Variants in COMMD10 observed in about 807,000 individuals in gnomAD.
COMMD10 encodes COMM domain containing 10, also known as COMM domain-containing protein 10.
COMMD10 carries 33 observed loss-of-function variants against 28.9 expected under a neutral mutation model. That is an observed-to-expected ratio of 1.14 (90% CI 0.87 to 1.53). The LOEUF (loss-of-function observed/expected upper bound fraction) is 1.53. COMMD10 is among the 40% of genes most tolerant of loss of function. The pLI is 0.00. For missense variants in COMMD10, 310 were observed against 233.4 expected, an observed-to-expected ratio of 1.33 and a Z score of -2.14; for synonymous variants, 110 against 81.7, an observed-to-expected ratio of 1.35 and a Z score of -1.87.
At chr5:116,085,834 C>T (rs1185473778) in intron 1 of COMMD10, among the ~76,000 whole-genome samples, 4 of 152,148 alleles carry the variant, frequency 2.6e-5, no homozygotes, top group Admixed American at 2.0e-4. Flanking sequence ...TTTCTTTGTG[C>T]TTGGATTGGG....
chr5:116,125,236 T>C (rs1751584085), intron 4 of COMMD10, among the ~76,000 whole-genome samples: 1 of 152,190 alleles, frequency 6.6e-6, no homozygotes, highest in Non-Finnish European at 1.5e-5. Context: ...GGAGCTCTTG[T>C]AAGGCAGGCC....
chr5:116,122,702 T>C (rs1024343751), intron 4 of COMMD10, among the ~76,000 whole-genome samples: 1 of 152,226 alleles, frequency 6.6e-6, no homozygotes, highest in Non-Finnish European at 1.5e-5. Context: ...TTCACATCCC[T>C]TGTAAGCTGG....
At chr5:116,275,632 G>T (rs993437797) in intron 5 of COMMD10, among the ~76,000 whole-genome samples, 1 of 151,740 alleles carries the variant, frequency 6.6e-6, no homozygotes, top group African/African-American at 2.4e-5. Flanking sequence ...AGTGAAATTA[G>T]TCTCAATATC....
intron 5 of COMMD10, among the ~76,000 whole-genome samples, chr5:116,158,734 A>G (rs1752821676): frequency 6.6e-6 from 1 of 152,060 alleles, no homozygotes; most frequent in South Asian, 2.1e-4. Flanking sequence ...CTGAAAGACT[A>G]ATTCATTCCT....
intron 5 of COMMD10, among the ~76,000 whole-genome samples, chr5:116,186,592 C>T (rs1313249424): frequency 1.3e-5 from 2 of 152,148 alleles, no homozygotes; most frequent in Admixed American, 6.6e-5. Flanking sequence ...TTCATACCTT[C>T]TCTTCACAGC....
intron 5 of COMMD10, among the ~76,000 whole-genome samples, chr5:116,222,542 T>G (rs1749288596): frequency 6.6e-6 from 1 of 152,160 alleles, no homozygotes; most frequent in Non-Finnish European, 1.5e-5. Flanking sequence ...GTTGACACTA[T>G]GTTTTATGAG....
At chr5:116,186,093 T>G (rs1249178860) in intron 5 of COMMD10, among the ~76,000 whole-genome samples, 2 of 152,182 alleles carry the variant, frequency 1.3e-5, no homozygotes, top group Non-Finnish European at 2.9e-5. Context: ...TCTTTCTCCC[T>G]GTAGACTTTT....
intron 5 of COMMD10, among the ~76,000 whole-genome samples, chr5:116,249,729 T>A (rs1041423604): frequency 1.3e-5 from 2 of 151,982 alleles, no homozygotes; most frequent in Admixed American, 1.3e-4. Flanking sequence ...ATTAAAATCT[T>A]AAAAATAGAG....
intron 5 of COMMD10, among the ~76,000 whole-genome samples, chr5:116,158,788 T>G (rs1462252830): frequency 6.6e-6 from 1 of 152,082 alleles, no homozygotes; most frequent in African/African-American, 2.4e-5. Flanking sequence ...GATTTGAGGA[T>G]CCACATCTAA....
chr5:116,235,958 A>G (rs1174558358), intron 5 of COMMD10, among the ~76,000 whole-genome samples: 1 of 152,182 alleles, frequency 6.6e-6, no homozygotes, highest in Non-Finnish European at 1.5e-5. Flanking sequence ...TAGCATACAT[A>G]CATTATTTGT....
At chr5:116,215,213 T>G (rs1325286124) in intron 5 of COMMD10, among the ~76,000 whole-genome samples, 5 of 152,014 alleles carry the variant, frequency 3.3e-5, no homozygotes, top group Admixed American at 2.6e-4. Context: ...GTAAAAAATT[T>G]GGGTGTTATG....
intron 5 of COMMD10, among the ~76,000 whole-genome samples, chr5:116,208,627 A>C (rs1379674615): frequency 6.6e-6 from 1 of 152,204 alleles, no homozygotes; most frequent in Non-Finnish European, 1.5e-5. Context: ...GAAACACATA[A>C]AAGTGATTTC....
intron 1 of COMMD10, among the ~76,000 whole-genome samples, chr5:116,086,244 G>C (rs1037305260): frequency 1.3e-5 from 2 of 152,160 alleles, no homozygotes; most frequent in African/African-American, 2.4e-5. Context: ...CCAGCCTCCT[G>C]ACCCTATTTT....
At chr5:116,126,941 A>G (rs938935535) in intron 4 of COMMD10, among the ~76,000 whole-genome samples, 1 of 152,258 alleles carries the variant, frequency 6.6e-6, no homozygotes. Flanking sequence ...TAATTAAACT[A>G]AAGAGCTTCT....
intron 5 of COMMD10, among the ~76,000 whole-genome samples, chr5:116,160,500 T>G (rs950570716): frequency 1.3e-5 from 2 of 152,168 alleles, no homozygotes; most frequent in African/African-American, 4.8e-5. Context: ...GGAATGCAAC[T>G]GAAGTTGGAT....
intron 5 of COMMD10, among the ~76,000 whole-genome samples, chr5:116,225,353 G>T (rs1163228846): frequency 1.7e-5 from 2 of 116,512 alleles, no homozygotes; most frequent in African/African-American, 3.4e-5. Context: ...TTTTTTTGGG[G>T]ATTTTTTTTT....
At chr5:116,185,115 A>G (rs1748094905) in intron 5 of COMMD10, among the ~76,000 whole-genome samples, 1 of 152,176 alleles carries the variant, frequency 6.6e-6, no homozygotes, top group African/African-American at 2.4e-5. Context: ...AGATATAAGT[A>G]CAAGTTCCTC....
intron 5 of COMMD10, among the ~76,000 whole-genome samples, chr5:116,166,964 C>T (rs990236177): frequency 6.6e-6 from 1 of 152,058 alleles, no homozygotes; most frequent in Admixed American, 6.6e-5. Flanking sequence ...CACAGTTCCT[C>T]ACCAGCAAGG....
At chr5:116,130,463 G>A (rs1185833484) in intron 4 of COMMD10, among the ~76,000 whole-genome samples, 2 of 151,920 alleles carry the variant, frequency 1.3e-5, no homozygotes, top group Admixed American at 6.6e-5. Context: ...TCTTCTGGAC[G>A]TTTGTTATGT....
Sources: gnomAD v4.1 joint callset for allele counts (sites outside exome capture counted in the v4.1 genomes callset) on GRCh38, gnomAD v4.1.1 for gene constraint, MANE v1.5 for transcripts, NCBI Gene and HGNC (gene_info 2026-07-23, HGNC 2026-07-21) for gene names.